TAF5L: variants seen among roughly 807,000 people sequenced by gnomAD.
The protein encoded by TAF5L is TAF5-like RNA polymerase II p300/CBP-associated factor-associated factor 65 kDa subunit 5L.
In TAF5L, 7 loss-of-function variants were observed where a neutral mutation model predicts 51.3. The observed-to-expected ratio is 0.14, with a 90% CI of 0.08 to 0.26. TAF5L has a LOEUF of 0.26. Ranked by LOEUF, TAF5L falls within the 10% of genes least tolerant of loss-of-function variation. TAF5L has a pLI of 1.00. For missense variants in TAF5L, 575 were observed against 758.9 expected (o/e 0.76, Z 2.85); for synonymous variants, 291 against 308.1 (o/e 0.94, Z 0.58).
chr1:229,601,883 T>C lies in TAF5L; in HGVS notation c.972+312A>G, dbSNP rs956548899. The C allele has an allele frequency of 5.3e-6, 6 of 1,131,014 alleles. No homozygotes were observed. The African/African-American group carries it at 9.7e-5, about 18-fold the overall frequency. 70.1% of individuals were successfully genotyped at this position (1,131,014 alleles called of 1,614,324 possible). A position where few individuals can be genotyped will look rare whatever the true frequency, so the allele number is the denominator to read the frequency against. On this transcript the variant is annotated intron_variant, in intron 4 of 4. Coordinates refer to ENST00000258281, the Ensembl canonical transcript of TAF5L. ...ATGTGCACACACATAAGTGTATATTTACTGCAAATCTCAGCTAAAGTCAAT... is the reference window on the plus strand; with the variant it reads ...ATGTGCACACACATAAGTGTATATTCACTGCAAATCTCAGCTAAAGTCAAT...
rs559640663 is a variant in TAF5L, at chr1:229,594,428, G to C, written c.1639C>G (p.Pro547Ala). The C allele has an allele frequency of 6.2e-7, 1 of 1,614,218 alleles. No homozygotes were observed. Among genetic ancestry groups the C allele is most frequent in the East Asian group, 2.2e-5 (1 of 44,876 alleles). ...AGCTCGCTGGAGGAGCCGTCGGCAG[G>C]TGCACTGCAGTAAGTGTTCCTGATG... The change falls in exon 5 of 5, where the codon CCT (proline) becomes GCT (alanine). Residue 547 changes from proline (P) to alanine (A), a missense_variant. Physicochemically the swap from Pro to Ala is conservative, Grantham distance 27. Coordinates refer to ENST00000258281, the Ensembl canonical transcript of TAF5L. This position sits in a 1 kb window ranked among gnomAD's most constrained non-coding sequence, Gnocchi z 7.9.
At chr1:229,600,066 T>C in intron 4 of TAF5L, 4 of 976,826 alleles carry the variant, frequency 4.1e-6, no homozygotes, top group Non-Finnish European at 4.9e-6. Context: ...TAATATTCAA[T>C]ATTTCATTTC....
chr1:229,609,579 A>T (rs1664715468), intron 3 of TAF5L, among the ~76,000 whole-genome samples: 1 of 152,208 alleles, frequency 6.6e-6, no homozygotes, highest in Non-Finnish European at 1.5e-5. Flanking sequence ...AAACTGGTCT[A>T]AATGACAACT....
intron 1 of TAF5L, among the ~76,000 whole-genome samples, chr1:229,617,319 G>A (rs1283161848): frequency 6.6e-6 from 1 of 152,232 alleles, no homozygotes; most frequent in Non-Finnish European, 1.5e-5. Flanking sequence ...TGACAGTACT[G>A]TCCTTTCCCG....
chr1:229,599,040 GA>G (rs957233115), intron 4 of TAF5L, among the ~76,000 whole-genome samples: 3 of 152,128 alleles, frequency 2.0e-5, no homozygotes, highest in Non-Finnish European at 4.4e-5. Context: ...AAAAGATGGA[GA>G]ATGAAGGTTT....
At chr1:229,593,977 C>T in exon 5 of TAF5L, 1 of 269,862 alleles carries the variant, frequency 3.7e-6, no homozygotes, top group Non-Finnish European at 7.2e-6. Flanking sequence ...AAACCTAGCC[C>T]CAGTCAGATG....
At position 229,625,342 on chromosome 1, in the gene TAF5L, A is replaced by G. The variant is rs1353091630; in HGVS notation, c.-4+543T>C. ...AGCCCCGAGAGACACCCTTGCAGGT[A>G]AGCACTCTCCTGCAGCAGCTAGTCT... On this transcript the variant is annotated intron_variant, in intron 1 of 4. Coordinates refer to ENST00000258281, the Ensembl canonical transcript of TAF5L. The surrounding 1 kb of genome is among the most constrained non-coding windows in gnomAD (Gnocchi z 4.0). Among the ~76,000 whole-genome samples the G allele has an allele frequency of 1.3e-5, 2 of 152,152 alleles. No individual in the cohort carries two copies. The highest frequency in any genetic ancestry group is 1.9e-4 in the East Asian group (1 of 5,152).
intron 3 of TAF5L, among the ~76,000 whole-genome samples, chr1:229,605,388 AGT>A (rs1664555670): frequency 6.6e-6 from 1 of 152,210 alleles, no homozygotes; most frequent in South Asian, 2.1e-4. Context: ...GGAAAAGGTT[AGT>A]GTGTTTTTTG....
intron 3 of TAF5L, chr1:229,607,177 G>T: frequency 1.0e-6 from 1 of 982,612 alleles, no homozygotes; most frequent in Non-Finnish European, 1.2e-6. Flanking sequence ...CTGAGCCATC[G>T]TCACCTCTTC....
At position 229,605,412 on chromosome 1, in the gene TAF5L, G is replaced by A. The variant is rs2184248; in HGVS notation, c.248-2493C>T. 3.0e-3 allele frequency among the ~76,000 whole-genome samples: 456 copies of A among 152,204 alleles called. 3 individuals are homozygous for A. Among genetic ancestry groups the A allele is most frequent in the African/African-American group, 0.01 (431 of 41,524 alleles). On this transcript the variant is annotated intron_variant, in intron 3 of 4. Transcript: ENST00000258281. ...TAGTGTGTTTTTTGGTTGTACACAGGATAATTTTATTAGGTTAGGTGGAAG... is the reference window on the plus strand; with the variant it reads ...TAGTGTGTTTTTTGGTTGTACACAGAATAATTTTATTAGGTTAGGTGGAAG...
chr1:229,624,430 G>A (rs1052677699), intron 1 of TAF5L, among the ~76,000 whole-genome samples: 2 of 152,108 alleles, frequency 1.3e-5, no homozygotes, highest in Admixed American at 6.5e-5. Context: ...AGGACTACAG[G>A]GAACCTAGAA....
intron 1 of TAF5L, among the ~76,000 whole-genome samples, chr1:229,624,659 G>A (rs770175941): frequency 3.9e-5 from 6 of 152,080 alleles, no homozygotes; most frequent in South Asian, 2.1e-4. Context: ...TATAGATGAG[G>A]AAACTACAGT....
chr1:229,608,709 C>A (rs1318680924), intron 3 of TAF5L, among the ~76,000 whole-genome samples: 1 of 152,140 alleles, frequency 6.6e-6, no homozygotes, highest in Non-Finnish European at 1.5e-5. Flanking sequence ...GGTTTAGAAA[C>A]AAATGTCTTG....
At chr1:229,617,681 C>T (rs1363348778) in intron 1 of TAF5L, among the ~76,000 whole-genome samples, 1 of 152,040 alleles carries the variant, frequency 6.6e-6, no homozygotes, top group Admixed American at 6.6e-5. Flanking sequence ...CGACAATATA[C>T]CTATGTGTCT....
intron 3 of TAF5L, among the ~76,000 whole-genome samples, chr1:229,609,031 G>C (rs966759141): frequency 6.6e-6 from 1 of 152,084 alleles, no homozygotes; most frequent in Non-Finnish European, 1.5e-5. Flanking sequence ...AAATTATCTG[G>C]CTTCTTTGAG....
intron 1 of TAF5L, among the ~76,000 whole-genome samples, chr1:229,616,887 T>C (rs1665022864): frequency 6.6e-6 from 1 of 152,200 alleles, no homozygotes; most frequent in South Asian, 2.1e-4. Flanking sequence ...GAGTTCAAAA[T>C]ATTTGTTACA....
exon 3 of TAF5L, chr1:229,610,158 T>C (rs749352536): frequency 3.6e-5 from 58 of 1,614,090 alleles, no homozygotes; most frequent in Non-Finnish European, 4.8e-5. Context: ...GCTGGGGTTC[T>C]GCCTGGCAAG....
At chr1:229,595,041 G>A (rs143713802) in exon 5 of TAF5L, 30 of 1,613,322 alleles carry the variant, frequency 1.9e-5, no homozygotes, top group African/African-American at 5.3e-5. Context: ...ACACTGGTCC[G>A]CAGTGGCCCC....
chr1:229,611,117 T>A (rs1664770293), intron 2 of TAF5L, among the ~76,000 whole-genome samples: 1 of 152,040 alleles, frequency 6.6e-6, no homozygotes, highest in African/African-American at 2.4e-5. Context: ...CTTGGGCAAG[T>A]TGGACTCACC....
Sources: allele counts gnomAD v4.1 joint callset (sites outside exome capture counted in the v4.1 genomes callset), GRCh38; gene constraint gnomAD v4.1.1; non-coding constraint Gnocchi (gnomAD v3.1); transcripts MANE v1.5; gene names NCBI Gene and HGNC (gene_info 2026-07-23, HGNC 2026-07-21).